ERMP1: variants seen among roughly 807,000 people sequenced by gnomAD.
The protein encoded by ERMP1 is endoplasmic reticulum metallopeptidase 1, also known as Felix-ina.
ERMP1 carries 86 observed loss-of-function variants against 92.0 expected under a neutral mutation model. That is an observed-to-expected ratio of 0.93 (90% confidence interval 0.79 to 1.12). The LOEUF (loss-of-function observed/expected upper bound fraction) is 1.12, where lower values mean the gene tolerates loss of function less well. Ranked by LOEUF, ERMP1 falls within the 50% of genes most tolerant of loss-of-function variation. ERMP1 has a pLI of 0.00. For synonymous variants in ERMP1, 530 were observed against 412.8 expected, an observed-to-expected ratio of 1.28 and a Z score of -3.44; for missense variants, 1,342 against 1,116.3, an observed-to-expected ratio of 1.20 and a Z score of -2.88.
chr9:5,797,835 A>G lies in ERMP1; in HGVS notation c.2368T>C (p.Leu790=), dbSNP rs1285296631. The G allele has an allele frequency of 1.9e-6, 3 of 1,604,224 alleles. No individual in the cohort carries two copies. The highest frequency in any genetic ancestry group is 1.3e-5 in the African/African-American group (1 of 74,256). Residue 790 remains leucine (L), a synonymous_variant, in exon 13 of 15, where the codon TTG becomes CTG. Transcript: ENST00000339450. ...KEQTPWDSIK[L]TFEATGPSHM... Reference sequence around the variant, plus strand: ...GACTTACCTGTTGCTTCAAAAGTCAATTTTATAGAATCCCAAGGTGTCTGT... The same window carrying G: ...GACTTACCTGTTGCTTCAAAAGTCAGTTTTATAGAATCCCAAGGTGTCTGT...
At chr9:5,842,925 G>C (rs1830183964) in intron 6 of ERMP1, among the ~76,000 whole-genome samples, 1 of 152,198 alleles carries the variant, frequency 6.6e-6, no homozygotes, top group Admixed American at 6.5e-5. Context: ...TTCCCTCTCA[G>C]ATTCCTTCAT....
chr9:5,851,771 AC>A (rs1485724074), intron 6 of ERMP1, among the ~76,000 whole-genome samples: 1 of 152,182 alleles, frequency 6.6e-6, no homozygotes, highest in Admixed American at 6.5e-5. Flanking sequence ...ACACACATAC[AC>A]CCCACAAAAT....
At chr9:5,820,946 C>T (rs559100656) in intron 4 of ERMP1, among the ~76,000 whole-genome samples, 3 of 152,242 alleles carry the variant, frequency 2.0e-5, no homozygotes, top group East Asian at 1.9e-4. Context: ...TGTCAGAAAG[C>T]ACCCAGAAAG....
intron 6 of ERMP1, among the ~76,000 whole-genome samples, chr9:5,850,389 G>A (rs1586839630): frequency 1.4e-5 from 1 of 69,578 alleles, no homozygotes; most frequent in Non-Finnish European, 2.5e-5. Flanking sequence ...TGGGCGACGA[G>A]AATGAAACTC....
intron 4 of ERMP1, among the ~76,000 whole-genome samples, chr9:5,821,195 A>G (rs571857301): frequency 2.0e-5 from 3 of 152,354 alleles, no homozygotes; most frequent in South Asian, 4.1e-4. Context: ...GATCATATAC[A>G]TTGCAAAAAT....
upstream of ERMP1, chr9:5,833,183 C>T (rs1240418853): frequency 1.5e-6 from 1 of 683,394 alleles, no homozygotes. Context: ...CGCGCCAAGA[C>T]CCAGCTTCTT....
At chr9:5,798,177 C>A (rs1344249815) in intron 12 of ERMP1, among the ~76,000 whole-genome samples, 1 of 152,118 alleles carries the variant, frequency 6.6e-6, no homozygotes, top group Non-Finnish European at 1.5e-5. Context: ...CTCATCCAGT[C>A]CTTCACTGCC....
chr9:5,789,143 G>T (rs1276068787), intron 13 of ERMP1, among the ~76,000 whole-genome samples: 1 of 151,322 alleles, frequency 6.6e-6, no homozygotes, highest in Non-Finnish European at 1.5e-5. Context: ...CAAAAAGAGA[G>T]CTGAATCTAC....
At chr9:5,832,648 C>T (rs1206309657) in intron 1 of ERMP1, 42 bp downstream of exon 1, 1 of 1,354,464 alleles carries the variant, frequency 7.4e-7, no homozygotes, top group African/African-American at 1.5e-5. Context: ...GCAGGAGCCG[C>T]AAACGGACGC....
chr9:5,825,121 A>G lies in ERMP1; in HGVS notation c.739T>C (p.Phe247Leu), dbSNP rs750003692. Reference protein sequence around the residue: ...EALHHAVIFLFNGAEENVLQA... With the variant: ...EALHHAVIFLLNGAEENVLQA... The stretch of plus-strand genomic sequence containing the variant: ...AAGACATTTTCCTCAGCACCATTAA[A>G]GAGAAATATGACAGCATGATGCAAG... Residue 247 changes from phenylalanine to leucine, a missense_variant, in exon 3 of 15, where the codon TTT becomes CTT. Physicochemically the swap from Phe to Leu is conservative, Grantham distance 22 (BLOSUM62 0). Coordinates refer to ENST00000339450, the MANE Select transcript of ERMP1 (RefSeq NM_024896.3). 5.0e-6 allele frequency: 8 copies of G among 1,614,126 alleles called. No homozygotes were observed. The highest frequency in any genetic ancestry group is 4.2e-6 in the Non-Finnish European group (5 of 1,179,960).
rs1236118779 is a variant in ERMP1, at chr9:5,805,039, G to A, written c.1902C>T (p.Leu634=). Residue 634 remains leucine, a synonymous_variant, in exon 10 of 15, where the codon CTC becomes CTT. Transcript: ENST00000339450. The part of the protein sequence containing the change: ...ASILAGCTMI[L]SSYFINFIYL... ...TATTTTCTCTTACAAAATAGGACGA[G>A]AGAATCATTGTACAGCCAGCCAAAA... 6.2e-7 allele frequency: 1 copy of A among 1,604,530 alleles called. No homozygotes were observed. The highest frequency in any genetic ancestry group is 8.5e-7 in the Non-Finnish European group (1 of 1,177,782).
At chr9:5,822,425 C>A (rs921175485) in intron 4 of ERMP1, among the ~76,000 whole-genome samples, 1 of 152,080 alleles carries the variant, frequency 6.6e-6, no homozygotes, top group Admixed American at 6.5e-5. Flanking sequence ...CCTTGAGAAT[C>A]TCAAACGCTT....
chr9:5,791,066 A>G (rs1418274586), intron 13 of ERMP1, among the ~76,000 whole-genome samples: 1 of 152,238 alleles, frequency 6.6e-6, no homozygotes, highest in Non-Finnish European at 1.5e-5. Context: ...ACAACTTTCT[A>G]TCAGGGGAAG....
rs546458492 is a variant in ERMP1, at chr9:5,829,219, CAAAAAAA to C, written c.640+1501_640+1507del. 1.6e-4 allele frequency among the ~76,000 whole-genome samples: 9 copies of C among 56,406 alleles called. No homozygotes were observed. In the East Asian group the frequency reaches 3.5e-3, roughly 22 times the overall value. The allele number at this position is 56,406 out of a possible 152,430, so 37.0% of individuals were successfully genotyped here. A position where few individuals can be genotyped will look rare whatever the true frequency, so the allele number is the denominator to read the frequency against. On this transcript the variant is annotated intron_variant, in intron 2 of 14. Transcript: ENST00000339450. ...ACAGAGTGAGACTTGGCCCCCCAGCCAAAAAAAAAAAAAAAAAAACACTAAACCACTG... is the reference window on the plus strand; with the variant it reads ...ACAGAGTGAGACTTGGCCCCCCAGCCAAAAAAAAAAAACACTAAACCACTG...
chr9:5,835,594 C>A (rs767553426), upstream of ERMP1, among the ~76,000 whole-genome samples: 1 of 152,138 alleles, frequency 6.6e-6, no homozygotes, highest in Non-Finnish European at 1.5e-5. Context: ...TCAGAGGCAA[C>A]GTCGAATAAG....
At chr9:5,789,877 T>A (rs1234493442) in intron 13 of ERMP1, among the ~76,000 whole-genome samples, 1 of 128,694 alleles carries the variant, frequency 7.8e-6, no homozygotes, top group Non-Finnish European at 1.6e-5. Flanking sequence ...AGAGATGGGG[T>A]CTCCCCGTGT....
chr9:5,849,242 C>T (rs1830277406), intron 6 of ERMP1, among the ~76,000 whole-genome samples: 1 of 152,150 alleles, frequency 6.6e-6, no homozygotes, highest in African/African-American at 2.4e-5. Flanking sequence ...AGGAGGGTCT[C>T]AATCTCTTGA....
At chr9:5,812,380 T>C (rs1381967530) in intron 5 of ERMP1, among the ~76,000 whole-genome samples, 163 bp from the exon 6 acceptor site, 1 of 152,226 alleles carries the variant, frequency 6.6e-6, no homozygotes, top group Non-Finnish European at 1.5e-5. Context: ...TTCCAAATTC[T>C]TACACAGTCT....
At position 5,801,211 on chromosome 9, in the gene ERMP1, G is replaced by A; in HGVS notation, c.2032C>T (p.Pro678Ser). 3.7e-6 allele frequency: 6 copies of A among 1,613,698 alleles called. No homozygotes were observed. The highest frequency in any genetic ancestry group is 5.1e-6 in the Non-Finnish European group (6 of 1,179,848). Residue 678 changes from proline (P) to serine (S), a missense_variant, in exon 11 of 15, where the codon CCT becomes TCT. By Grantham distance (74) the Pro-to-Ser change is moderately conservative. Coordinates refer to ENST00000339450, the MANE Select transcript of ERMP1 (RefSeq NM_024896.3). ...ACTCTCTTTGGCTTCGGATTAGCAG[G>A]ATTGGAGCTATATGGAAAAAATGTT... ...SGTFFPYSSN[P>S]ANPKPKRVFL...
Sources: gnomAD v4.1 joint callset for allele counts (sites outside exome capture counted in the v4.1 genomes callset) on GRCh38, gnomAD v4.1.1 for gene constraint, MANE v1.5 for transcripts, NCBI Gene and HGNC (gene_info 2026-07-23, HGNC 2026-07-21) for gene names.